The following GNL3 variants were observed in gnomAD, a reference collection of about 807,000 sequenced individuals.
GNL3 encodes G protein nucleolar 3.
GNL3 carries 77 observed loss-of-function variants against 70.6 expected under a neutral mutation model. The observed-to-expected ratio is 1.09, with a 90% confidence interval of 0.91 to 1.32. The LOEUF is 1.32. Among genes scored for constraint, GNL3 ranks in the 40% most tolerant of loss-of-function variants. The pLI is 0.00. For synonymous variants in GNL3, 252 were observed against 216.1 expected (o/e 1.17, Z -1.46); for missense variants, 634 against 644.0 (o/e 0.98, Z 0.17).
chr3:52,689,099 TAG>T lies in GNL3; in HGVS notation c.437_438del (p.Glu146GlyfsTer33). On this transcript the variant is annotated frameshift_variant, in exon 6 of 15. Transcript: ENST00000418458. LOFTEE classifies it high-confidence loss of function. ...GTGATTGAAGCCTCCGATGTTGTCC[TAG>T]AGGTGTTGGATGCCAGAGATCCTCT... 6.2e-7 allele frequency: 1 copy of T among 1,613,222 alleles called. No individual in the cohort carries two copies. The highest frequency in any genetic ancestry group is 8.5e-7 in the Non-Finnish European group (1 of 1,179,098).
rs1325242236 is a variant in GNL3 at position 52,692,737 on chromosome 3, A to G, written c.870-135A>G. The G allele has an allele frequency of 3.9e-6, 3 of 778,112 alleles. No homozygotes were observed. In the Admixed American group the frequency reaches 5.1e-5, roughly 13 times the overall value. 48.2% of individuals were successfully genotyped at this position (778,112 alleles called of 1,614,324 possible). A position where few individuals can be genotyped will look rare whatever the true frequency, so the allele number is the denominator to read the frequency against. ...GGTATGCTGTTACAGTTTTAGATAAATGTGAAGCAAATGATGATAAACTGG... is the reference window on the plus strand; with the variant it reads ...GGTATGCTGTTACAGTTTTAGATAAGTGTGAAGCAAATGATGATAAACTGG... On this transcript the variant is annotated intron_variant, in intron 9 of 14. Transcript: ENST00000418458.
chr3:52,689,459 C>A, intron 6 of GNL3: 2 of 537,884 alleles, frequency 3.7e-6, no homozygotes, highest in South Asian at 1.8e-5. Flanking sequence ...CTATACCCAG[C>A]TTATTGTGTA....
Position 52,693,010 on chromosome 3 carries a change from T to C in GNL3, c.1008T>C (p.Ala336=). 1 of 1,614,220 alleles carries C rather than the reference T, an allele frequency of 6.2e-7. No individual in the cohort carries two copies. The highest frequency in any genetic ancestry group is 8.5e-7 in the Non-Finnish European group (1 of 1,180,040). Residue 336 remains alanine (A), a synonymous_variant, in exon 10 of 15, where the codon GCT becomes GCC. Transcript: ENST00000418458. ...TTGAAGTAGTAAAACCGATGGAGGC[T>C]GCCAGTGCCATCCTTTCCCAGGCTG... The part of the protein sequence containing the change: ...ASIEVVKPME[A]ASAILSQADA...
At position 52,691,620 on chromosome 3, in the gene GNL3, G is replaced by C. The variant is rs554654528; in HGVS notation, c.860G>C (p.Gly287Ala). The stretch of plus-strand genomic sequence containing the variant: ...ATGTGTAATGTTGGTGTATCCATGG[G>C]GCTTACAAGGTAAATGGAGGTGTCC... ...EQMCNVGVSM[G>A]LTRSMQVVPL... is the part of the protein sequence containing the mutation. The change falls in exon 9 of 15, where the codon GGG (glycine) becomes GCG (alanine). Residue 287 changes from glycine to alanine, a missense_variant. By Grantham distance (60) the Gly-to-Ala change is moderately conservative. Transcript: ENST00000418458. The C allele has an allele frequency of 6.5e-7, 1 of 1,547,470 alleles. No homozygotes were observed. Among genetic ancestry groups the C allele is most frequent in the African/African-American group, 1.4e-5 (1 of 73,700 alleles).
chr3:52,686,150 A>G, intron 1 of GNL3, 45 bp downstream of exon 1: 1 of 1,587,206 alleles, frequency 6.3e-7, no homozygotes, highest in South Asian at 1.1e-5. Context: ...CACGTCTGGA[A>G]GTTGCTGCAG....
At chr3:52,686,503 T>G (rs2097312759) in intron 1 of GNL3, 4 of 572,246 alleles carry the variant, frequency 7.0e-6, no homozygotes, top group Non-Finnish European at 9.3e-6. Context: ...ACGAAGTGGT[T>G]GTCGTTTTGT....
Position 52,691,557 on chromosome 3 carries a change from G to A in GNL3, c.797G>A (p.Gly266Glu). 6.3e-7 allele frequency: 1 copy of A among 1,587,830 alleles called. No homozygotes were observed. The highest frequency in any genetic ancestry group is 8.6e-7 in the Non-Finnish European group (1 of 1,158,394). ...RVGVIGFPNV[G>E]KSSIINSLKQ... ...TTATTTGTAGGTTTCCCAAATGTGG[G>A]GAAAAGCAGCATTATCAATAGCTTA... Residue 266 changes from glycine to glutamate, a missense_variant, in exon 9 of 15, where the codon GGG (glycine) becomes GAG (glutamate). Transcript: ENST00000418458.
chr3:52,693,914 C>CCTTAATTTTCACA, intron 13 of GNL3, 107 bp downstream of exon 13: 4 of 1,313,154 alleles, frequency 3.0e-6, no homozygotes, highest in Non-Finnish European at 4.3e-6. Context: ...GATCCATTAG[C>CCTTAATTTTCACA]CTTAATTTTG....
chr3:52,687,532 G>A lies in GNL3; in HGVS notation c.241G>A (p.Asp81Asn). ...AGAACTAAAACAGCAGCAGAAACTTGACAGGCAGAAGGAACTAGAAAAGAA... is the reference window on the plus strand; with the variant it reads ...AGAACTAAAACAGCAGCAGAAACTTAACAGGCAGAAGGAACTAGAAAAGAA... ...LEELKQQQKL[D>N]RQKELEKKRK... The change falls in exon 4 of 15, where the codon GAC (aspartate) becomes AAC (asparagine). Residue 81 changes from aspartate (D) to asparagine (N), a missense_variant. By Grantham distance (23) the Asp-to-Asn change is conservative (BLOSUM62 1). Transcript: ENST00000418458. 5 of 1,613,650 alleles carry A rather than the reference G, an allele frequency of 3.1e-6. No individual in the cohort carries two copies. The highest frequency in any genetic ancestry group is 3.4e-6 in the Non-Finnish European group (4 of 1,179,610).
intron 9 of GNL3, 34 bp downstream of exon 9, chr3:52,691,663 GT>G: frequency 3.8e-6 from 4 of 1,053,272 alleles, no homozygotes; most frequent in Non-Finnish European, 6.0e-6. Context: ...TAATATTATA[GT>G]GACACACTAT....
chr3:52,689,330 T>G, intron 6 of GNL3, 124 bp downstream of exon 6: 2 of 930,014 alleles, frequency 2.2e-6, no homozygotes, highest in Non-Finnish European at 1.8e-6. Context: ...TACGTGCACT[T>G]TGCCAGAGAC....
At chr3:52,690,114 G>A (rs1241839556) in intron 6 of GNL3, among the ~76,000 whole-genome samples, 1 of 152,138 alleles carries the variant, frequency 6.6e-6, no homozygotes, top group Non-Finnish European at 1.5e-5. Flanking sequence ...GTTAAGATAC[G>A]GGCAGTATGG....
chr3:52,687,436 A>G, intron 3 of GNL3, 53 bp downstream of exon 3: 4 of 1,603,564 alleles, frequency 2.5e-6, no homozygotes, highest in African/African-American at 2.7e-5. Context: ...GTTATGTGTG[A>G]TATTTTTCAG....
In GNL3 at chr3:52,691,192, A is replaced by G. The variant is rs2097326876; in HGVS notation, c.781+121A>G. ...TGTTGTCAAGTAAAAGGCTCACTCAAATACTAGCTTCTTGCTTATACCTTA... is the reference window on the plus strand; with the variant it reads ...TGTTGTCAAGTAAAAGGCTCACTCAGATACTAGCTTCTTGCTTATACCTTA... On this transcript the variant is annotated intron_variant, in intron 8 of 14. Transcript: ENST00000418458. The G allele has an allele frequency of 4.0e-5, 33 of 825,022 alleles. 1 individual carries two copies. The South Asian group carries it at 5.2e-4, about 13-fold the overall frequency. The allele number at this position is 825,022 out of a possible 1,614,324, so 51.1% of individuals were successfully genotyped here.
chr3:52,693,096 T>G, intron 10 of GNL3, 50 bp downstream of exon 10: 3 of 1,604,130 alleles, frequency 1.9e-6, no homozygotes, highest in Non-Finnish European at 2.6e-6. Context: ...TCTTTCATCA[T>G]AAGCATTTTG....
At chr3:52,689,299 C>G (rs762065494) in intron 6 of GNL3, 93 bp downstream of exon 6, 6 of 1,180,438 alleles carry the variant, frequency 5.1e-6, no homozygotes, top group Admixed American at 1.7e-5. Context: ...AGATCCAACT[C>G]TGATCTCAGC....
In GNL3 at chr3:52,687,557, AAAG is replaced by A. The variant is rs750381380; in HGVS notation, c.269_271del (p.Arg90del). ...GACAGGCAGAAGGAACTAGAAAAGA[AAAG>A]AAAACTTGAAACTAATCCTGATATT... On this transcript the variant is annotated inframe_deletion, in exon 4 of 15. Coordinates refer to ENST00000418458, the MANE Select transcript of GNL3 (RefSeq NM_014366.5). 1 of 1,613,810 alleles carries A rather than the reference AAAG, an allele frequency of 6.2e-7. No homozygotes were observed. Among genetic ancestry groups the A allele is most frequent in the Non-Finnish European group, 8.5e-7 (1 of 1,179,654 alleles).
At chr3:52,688,346 C>T in intron 5 of GNL3, 154 bp downstream of exon 5, 1 of 568,192 alleles carries the variant, frequency 1.8e-6, no homozygotes, top group South Asian at 2.2e-5. Flanking sequence ...ATTATTTCAT[C>T]ACCCAGGTAT....
At chr3:52,687,818 G>A in intron 4 of GNL3, 1 of 595,660 alleles carries the variant, frequency 1.7e-6, no homozygotes, top group Non-Finnish European at 3.0e-6. Context: ...GCAGACACGG[G>A]CTTTCACTAT....
Sources: gnomAD v4.1 joint callset for allele counts (sites outside exome capture counted in the v4.1 genomes callset) on GRCh38, gnomAD v4.1.1 for gene constraint, MANE v1.5 for transcripts, NCBI Gene and HGNC (gene_info 2026-07-23, HGNC 2026-07-21) for gene names.